The following KCNMA1 variants were observed in gnomAD, a reference collection of about 807,000 sequenced individuals.
The protein encoded by KCNMA1 is potassium calcium-activated channel subfamily M alpha 1, also known as Calcium-activated potassium channel subunit alpha-1.
KCNMA1 carries 29 observed loss-of-function variants against 140.0 expected under a neutral mutation model. The ratio of observed to expected loss-of-function variants is 0.21; its 90% CI spans 0.15 to 0.28. The LOEUF is 0.28. KCNMA1 is among the 10% of genes least tolerant of loss of function. The probability of loss-of-function intolerance (pLI) is 1.00; values close to 1 mark genes in which losing one functional copy is unlikely to be tolerated. For synonymous variants in KCNMA1, 612 were observed against 611.9 expected (o/e 1.00, Z 0.00); for missense variants, 880 against 1,602.2 (o/e 0.55, Z 7.70).
chr10:77,358,587 G>A (rs558305275), intron 2 of KCNMA1, among the ~76,000 whole-genome samples: 32 of 151,930 alleles, frequency 2.1e-4, no homozygotes, highest in African/African-American at 7.7e-4. Context: ...ACCCTCTAAC[G>A]CCTGTCCCAG....
At chr10:77,434,127 C>T (rs1603618592) in intron 1 of KCNMA1, among the ~76,000 whole-genome samples, 1 of 152,240 alleles carries the variant, frequency 6.6e-6, no homozygotes, top group Non-Finnish European at 1.5e-5. Context: ...GCTTCCCCAA[C>T]CACAGTCCCC....
chr10:77,049,624 A>G (rs1172997514), intron 14 of KCNMA1, among the ~76,000 whole-genome samples: 7 of 152,242 alleles, frequency 4.6e-5, no homozygotes, highest in Non-Finnish European at 8.8e-5. Context: ...ATATCTGCTG[A>G]GTTGAACTAA....
At chr10:76,909,565 T>C (rs1041368278) in intron 25 of KCNMA1, among the ~76,000 whole-genome samples, 1 of 152,174 alleles carries the variant, frequency 6.6e-6, no homozygotes, top group Non-Finnish European at 1.5e-5. Context: ...CTTTGCCTTC[T>C]TTGAGAGCCT....
At chr10:77,633,763 G>A (rs1051384157) in intron 1 of KCNMA1, among the ~76,000 whole-genome samples, 2 of 152,162 alleles carry the variant, frequency 1.3e-5, no homozygotes, top group African/African-American at 4.8e-5. Flanking sequence ...AGCTCAAACT[G>A]AGAATGGAAA....
intron 1 of KCNMA1, among the ~76,000 whole-genome samples, chr10:77,490,064 G>A (rs981032813): frequency 3.9e-5 from 6 of 152,192 alleles, no homozygotes; most frequent in Non-Finnish European, 4.4e-5. Context: ...GTCCCTGGCC[G>A]CTACGCACCG....
intron 5 of KCNMA1, among the ~76,000 whole-genome samples, chr10:77,142,209 A>T (rs986442806): frequency 6.6e-6 from 1 of 151,938 alleles, no homozygotes; most frequent in Admixed American, 6.5e-5. Flanking sequence ...CTACTAAAAA[A>T]TACAAAAAAA....
chr10:77,374,490 C>A (rs1473381344), intron 2 of KCNMA1, among the ~76,000 whole-genome samples: 1 of 152,230 alleles, frequency 6.6e-6, no homozygotes, highest in East Asian at 1.9e-4. Context: ...CAACTCACTG[C>A]TCTCTAAACA....
At chr10:77,287,693 G>T (rs761659522) in intron 2 of KCNMA1, among the ~76,000 whole-genome samples, 1 of 152,176 alleles carries the variant, frequency 6.6e-6, no homozygotes, top group Non-Finnish European at 1.5e-5. Flanking sequence ...TCCTGGCATG[G>T]GATGGGGAGT....
chr10:76,920,020 G>GTATGTATATATATA (rs2054872016), intron 23 of KCNMA1, among the ~76,000 whole-genome samples: 1 of 34,408 alleles, frequency 2.9e-5, no homozygotes, highest in Admixed American at 4.3e-4. Context: ...GTGTGTGTGT[G>GTATGTATATATATA]TATATATATA....
At chr10:77,513,259 T>TC (rs1366106194) in intron 1 of KCNMA1, among the ~76,000 whole-genome samples, 2 of 152,126 alleles carry the variant, frequency 1.3e-5, no homozygotes, top group Admixed American at 6.5e-5. Flanking sequence ...GGAACGCTCT[T>TC]CCCCCAAATT....
chr10:77,161,297 G>C (rs189544419), intron 5 of KCNMA1, among the ~76,000 whole-genome samples: 15 of 152,282 alleles, frequency 9.9e-5, no homozygotes, highest in Admixed American at 9.8e-4. Context: ...ACCCAGGCTG[G>C]GGTACAGCGG....
At chr10:77,404,390 C>T (rs624213) in intron 1 of KCNMA1, among the ~76,000 whole-genome samples, 106,297 of 151,828 alleles carry the variant, frequency 0.7, 37,225 homozygotes, top group East Asian at 0.83. Flanking sequence ...GCAATTCTCA[C>T]GCCTCAGCCT....
At chr10:77,383,394 T>A (rs971551765) in intron 2 of KCNMA1, among the ~76,000 whole-genome samples, 1 of 143,886 alleles carries the variant, frequency 6.9e-6, no homozygotes, top group African/African-American at 2.6e-5. Context: ...CCTGGAGAGA[T>A]GGTTGCTTAA....
Position 77,206,304 on chromosome 10 carries a change from G to GA in KCNMA1, c.603-21389dup, listed in dbSNP as rs1187096617. On this transcript the variant is annotated intron_variant, in intron 3 of 27. Coordinates refer to ENST00000286628, the MANE Select transcript of KCNMA1 (RefSeq NM_001161352.2). Reference sequence around the variant, plus strand: ...CACTGTTAAATCAATAAAAGAGTTTGAAAAAAATGTGTCAACCTGACGTTG... The same window carrying GA: ...CACTGTTAAATCAATAAAAGAGTTTGAAAAAAAATGTGTCAACCTGACGTTG... Among the ~76,000 whole-genome samples the GA allele has an allele frequency of 2.6e-5, 4 of 152,090 alleles. 1 individual carries two copies. The highest frequency in any genetic ancestry group is 2.6e-4 in the Admixed American group (4 of 15,268).
intron 1 of KCNMA1, among the ~76,000 whole-genome samples, chr10:77,520,157 GGC>G (rs1567297822): frequency 0.011 from 22 of 2,084 alleles, no homozygotes; most frequent in Admixed American, 0.017. Flanking sequence ...TGTGAGGTCT[GGC>G]ATATGCAGTG....
intron 5 of KCNMA1, among the ~76,000 whole-genome samples, chr10:77,162,751 G>A (rs1230799384): frequency 6.6e-6 from 1 of 152,234 alleles, no homozygotes; most frequent in Non-Finnish European, 1.5e-5. Flanking sequence ...GACAGTGGGA[G>A]AATGATTCCA....
chr10:76,920,020 G>GTGTGTGTGTGTATATATATA (rs1177257916), intron 23 of KCNMA1, among the ~76,000 whole-genome samples: 14 of 34,424 alleles, frequency 4.1e-4, no homozygotes, highest in African/African-American at 1.5e-3. Flanking sequence ...GTGTGTGTGT[G>GTGTGTGTGTGTATATATATA]TATATATATA....
intron 1 of KCNMA1, among the ~76,000 whole-genome samples, chr10:77,565,959 C>T (rs1225721337): frequency 1.4e-5 from 2 of 146,968 alleles, no homozygotes; most frequent in East Asian, 4.0e-4. Flanking sequence ...CTTTACAGAC[C>T]ATCAGAAATG....
intron 1 of KCNMA1, among the ~76,000 whole-genome samples, chr10:77,410,798 T>C (rs1333284120): frequency 6.6e-6 from 1 of 152,174 alleles, no homozygotes; most frequent in African/African-American, 2.4e-5. Context: ...CTGCCTCTGC[T>C]CCAGAGATCC....
Sources: allele counts gnomAD v4.1 joint callset (sites outside exome capture counted in the v4.1 genomes callset), GRCh38; gene constraint gnomAD v4.1.1; transcripts MANE v1.5; gene names NCBI Gene and HGNC (gene_info 2026-07-23, HGNC 2026-07-21).